AP3B1: variants seen among roughly 807,000 people sequenced by gnomAD.
AP3B1 encodes AP-3 complex subunit beta-1.
AP3B1 carries 61 observed loss-of-function variants against 132.5 expected under a neutral mutation model. The ratio of observed to expected loss-of-function variants is 0.46; its 90% CI spans 0.37 to 0.57. AP3B1 has a LOEUF of 0.57. AP3B1 is among the 20% of genes least tolerant of loss of function. The pLI, the probability that AP3B1 is intolerant of heterozygous loss-of-function variation, is 0.00. For synonymous variants in AP3B1, 388 were observed against 438.3 expected (o/e 0.89, Z 1.43); for missense variants, 1,120 against 1,289.4 (o/e 0.87, Z 2.01).
intron 1 of AP3B1, 29 bp downstream of exon 1, chr5:78,294,423 A>G: frequency 6.2e-7 from 1 of 1,613,154 alleles, no homozygotes; most frequent in East Asian, 2.2e-5. Context: ...CCTCCCTCCC[A>G]TCCCCGCAAC....
At chr5:78,021,365 G>T (rs982127460) in intron 24 of AP3B1, among the ~76,000 whole-genome samples, 1 of 151,982 alleles carries the variant, frequency 6.6e-6, no homozygotes, top group Admixed American at 6.6e-5. Context: ...GACCAACATG[G>T]TAAAAGTTAT....
At chr5:78,225,506 AT>A (rs1167900591) in intron 6 of AP3B1, 35 bp downstream of exon 6, 1 of 1,200,238 alleles carries the variant, frequency 8.3e-7, no homozygotes, top group Non-Finnish European at 1.2e-6. Context: ...AATAAAGTAC[AT>A]TTTTATGTCA....
intron 24 of AP3B1, among the ~76,000 whole-genome samples, chr5:78,027,746 C>T (rs1747395703): frequency 6.6e-6 from 1 of 151,884 alleles, no homozygotes; most frequent in African/African-American, 2.4e-5. Context: ...GTTTTTTTCT[C>T]TCTACATAAG....
rs199587885 is a variant in AP3B1 at position 78,247,282 on chromosome 5, GATAATATAGATA to G, written c.205-6358_205-6347del. On this transcript the variant is annotated intron_variant, in intron 2 of 26. Coordinates refer to ENST00000255194, the MANE Select transcript of AP3B1 (RefSeq NM_003664.5). ...ATATAGATAATAATTATAATATATA[GATAATATAGATA>G]ATAATATAGATAATAATAATAAAAA... Among the ~76,000 whole-genome samples, 199 of 148,182 alleles carry G rather than the reference GATAATATAGATA, an allele frequency of 1.3e-3. 3 individuals carry two copies. The East Asian group carries it at 0.034, about 25-fold the overall frequency.
At position 78,193,915 on chromosome 5, in the gene AP3B1, C is replaced by T. The variant is rs566661802; in HGVS notation, c.787-12253G>A. Among the ~76,000 whole-genome samples the T allele has an allele frequency of 1.6e-4, 24 of 151,242 alleles. No homozygotes were observed. In the South Asian group the frequency reaches 2.1e-3, roughly 13 times the overall value. ...GACTACAGGCACCTGCCACCACACCCGGCTAATTTTTTCAGCTAATTTTTT... is the reference window on the plus strand; with the variant it reads ...GACTACAGGCACCTGCCACCACACCTGGCTAATTTTTTCAGCTAATTTTTT... On this transcript the variant is annotated intron_variant, in intron 7 of 26. Transcript: ENST00000255194.
intron 26 of AP3B1, 129 bp from the exon 27 acceptor site, chr5:78,003,184 CA>C: frequency 4.7e-6 from 5 of 1,061,060 alleles, no homozygotes; most frequent in Non-Finnish European, 5.4e-6. Context: ...TCCCTATTGC[CA>C]AAAACCCAAA....
intron 22 of AP3B1, among the ~76,000 whole-genome samples, chr5:78,077,672 CTCTTCTAGGAGCGTCAT>C (rs1226027335): frequency 2.1e-5 from 3 of 146,122 alleles, no homozygotes; most frequent in Middle Eastern, 3.2e-3. Flanking sequence ...ATACTAGTTC[CTCTTCTAGGAGCGTCAT>C]TCTTCTACTC....
At chr5:78,059,783 C>T (rs1748965132) in intron 22 of AP3B1, among the ~76,000 whole-genome samples, 1 of 152,266 alleles carries the variant, frequency 6.6e-6, no homozygotes, top group South Asian at 2.1e-4. Context: ...GAACTGCCAT[C>T]ATTAAATTGA....
At chr5:78,031,702 G>A (rs762601768) in intron 24 of AP3B1, among the ~76,000 whole-genome samples, 11 of 152,264 alleles carry the variant, frequency 7.2e-5, no homozygotes, top group Admixed American at 3.9e-4. Flanking sequence ...CATTATGGTA[G>A]TTTTCCCCCA....
chr5:78,150,669 C>T (rs1040230830), intron 14 of AP3B1, among the ~76,000 whole-genome samples: 4 of 152,184 alleles, frequency 2.6e-5, no homozygotes, highest in South Asian at 4.2e-4. Context: ...GGTCCTTTTA[C>T]GATCATCATT....
At chr5:78,234,667 G>A (rs1245430276) in intron 3 of AP3B1, among the ~76,000 whole-genome samples, 1 of 152,158 alleles carries the variant, frequency 6.6e-6, no homozygotes, top group African/African-American at 2.4e-5. Context: ...TGAACTTGAG[G>A]CTATTTAGTA....
intron 22 of AP3B1, among the ~76,000 whole-genome samples, chr5:78,066,886 G>C (rs72776410): frequency 0.014 from 2,172 of 152,172 alleles, 28 homozygotes; most frequent in Non-Finnish European, 0.02. Context: ...ATGTCGAAAT[G>C]AAAGAAAAAG....
At chr5:78,261,084 A>G (rs1239106951) in intron 2 of AP3B1, among the ~76,000 whole-genome samples, 1 of 152,204 alleles carries the variant, frequency 6.6e-6, no homozygotes, top group Non-Finnish European at 1.5e-5. Context: ...ATGTAGAAAT[A>G]TCTGTTCAAG....
chr5:78,018,611 AAGATATT>A (rs1746955843), intron 25 of AP3B1, among the ~76,000 whole-genome samples: 1 of 151,962 alleles, frequency 6.6e-6, no homozygotes, highest in Admixed American at 6.6e-5. Context: ...CATATGAAAT[AAGATATT>A]AATTATGTAA....
At chr5:78,065,525 G>A (rs1026283496) in intron 22 of AP3B1, among the ~76,000 whole-genome samples, 6 of 152,178 alleles carry the variant, frequency 3.9e-5, no homozygotes, top group Admixed American at 1.3e-4. Context: ...TTTCCACAGC[G>A]CAGCACAGTG....
chr5:78,027,726 A>G lies in AP3B1; in HGVS notation c.2894+6635T>C, dbSNP rs78823266. ...TATATCTTCCTTTATGCCCTTTAGG[A>G]AAGTTCCAGGTTTTTTTCTCTCTAC... On this transcript the variant is annotated intron_variant, in intron 24 of 26. Transcript: ENST00000255194. 5.4e-3 allele frequency among the ~76,000 whole-genome samples: 823 copies of G among 152,282 alleles called. 2 individuals carry two copies. The highest frequency in any genetic ancestry group is 0.019 in the African/African-American group (788 of 41,552).
chr5:78,070,199 G>A (rs562223788), intron 22 of AP3B1, among the ~76,000 whole-genome samples: 9 of 152,164 alleles, frequency 5.9e-5, no homozygotes, highest in Middle Eastern at 3.4e-3. Context: ...CTGAGGTCAG[G>A]AGTTCAAGAA....
intron 2 of AP3B1, among the ~76,000 whole-genome samples, chr5:78,263,422 T>C (rs1167797388): frequency 1.3e-5 from 2 of 152,250 alleles, no homozygotes; most frequent in Non-Finnish European, 1.5e-5. Context: ...TAGGGTTTTC[T>C]ACATATAAGA....
intron 21 of AP3B1, among the ~76,000 whole-genome samples, chr5:78,098,886 T>A (rs1468006912): frequency 6.6e-6 from 1 of 152,002 alleles, no homozygotes; most frequent in Non-Finnish European, 1.5e-5. Context: ...TTTCAGATAG[T>A]GAAAAATGCC....
Sources: allele counts gnomAD v4.1 joint callset (sites outside exome capture counted in the v4.1 genomes callset), GRCh38; gene constraint gnomAD v4.1.1; transcripts MANE v1.5; gene names NCBI Gene and HGNC (gene_info 2026-07-23, HGNC 2026-07-21).